CA3: variants seen among roughly 807,000 people sequenced by gnomAD.
CA3 encodes carbonic anhydrase 3.
In CA3, 30 loss-of-function variants were observed where a neutral mutation model predicts 35.7. The observed-to-expected ratio is 0.84, with a 90% CI of 0.63 to 1.14. The LOEUF is 1.14. CA3 is among the 50% of genes most tolerant of loss of function. The pLI is 0.00. For synonymous variants in CA3, 131 were observed against 130.8 expected (o/e 1.00, Z -0.01); for missense variants, 295 against 328.5 (o/e 0.90, Z 0.79).
chr8:85,445,250 T>TA (rs772238260), intron 5 of CA3, 32 bp downstream of exon 5: 2 of 1,372,024 alleles, frequency 1.5e-6, no homozygotes, highest in Non-Finnish European at 2.0e-6. Context: ...TCCTAAAACA[T>TA]AAAGCAGATT....
Position 85,439,739 on chromosome 8 carries a change from C to T in CA3, c.62C>T (p.Pro21Leu), listed in dbSNP as rs762876525. 1 of 1,613,666 alleles carries T rather than the reference C, an allele frequency of 6.2e-7. No individual in the cohort carries two copies. Among genetic ancestry groups the T allele is most frequent in the Admixed American group, 1.7e-5 (1 of 59,998 alleles). ...CCTGACCACTGGCATGAACTTTTCC[C>T]AAATGCCAAGGGGGAAAACCAGTCG... ...NGPDHWHELF[P>L]NAKGENQSPV... The change falls in exon 2 of 7, where the codon CCA becomes CTA. Residue 21 changes from proline to leucine, a missense_variant. Pro to Leu is a moderately conservative substitution (Grantham distance 98). Transcript: ENST00000285381.
At chr8:85,443,549 A>C (rs768190784) in intron 3 of CA3, among the ~76,000 whole-genome samples, 2 of 152,232 alleles carry the variant, frequency 1.3e-5, no homozygotes, top group Non-Finnish European at 2.9e-5. Flanking sequence ...AGATAAATTA[A>C]GTATTGAGAA....
intron 1 of CA3, 141 bp downstream of exon 1, chr8:85,439,084 C>A: frequency 1.2e-6 from 1 of 817,730 alleles, no homozygotes; most frequent in South Asian, 1.7e-5. Flanking sequence ...TGAGGCTTTT[C>A]AACTGCCAAA....
chr8:85,442,727 C>G (rs79628885), intron 3 of CA3, among the ~76,000 whole-genome samples: 3,952 of 152,046 alleles, frequency 0.026, 80 homozygotes, highest in South Asian at 0.078. Flanking sequence ...AAAGAAAAAC[C>G]CTAAAAGTTA....
chr8:85,445,662 A>G (rs2130508485), intron 5 of CA3, among the ~76,000 whole-genome samples: 1 of 152,248 alleles, frequency 6.6e-6, no homozygotes, highest in East Asian at 1.9e-4. Flanking sequence ...TTCACAATAG[A>G]CTCATGTAAG....
intron 4 of CA3, among the ~76,000 whole-genome samples, chr8:85,444,800 G>A (rs1047426050): frequency 6.6e-6 from 1 of 152,192 alleles, no homozygotes; most frequent in Non-Finnish European, 1.5e-5. Context: ...AGGAGGTGGA[G>A]TAGGTCTGAG....
At chr8:85,445,503 AACAC>A (rs766933947) in intron 5 of CA3, among the ~76,000 whole-genome samples, 103 of 123,298 alleles carry the variant, frequency 8.4e-4, no homozygotes, top group Non-Finnish European at 1.3e-3. Flanking sequence ...ATCCTCGCCC[AACAC>A]ACACACACAC....
chr8:85,439,377 C>T (rs1811175468), intron 1 of CA3, among the ~76,000 whole-genome samples: 2 of 152,182 alleles, frequency 1.3e-5, no homozygotes, highest in South Asian at 4.1e-4. Context: ...AAACCCACAA[C>T]ACAATGCTCA....
In CA3 at chr8:85,448,947, G is replaced by T. The variant is rs1811332039; in HGVS notation, c.*794G>T. 2 of 152,192 alleles carry T rather than the reference G, an allele frequency of 1.3e-5. No individual in the cohort carries two copies. The highest frequency in any genetic ancestry group is 2.1e-4 in the South Asian group (1 of 4,838). The allele number at this position is 152,192 out of a possible 1,614,324, so 9.4% of individuals were successfully genotyped here. A position where few individuals can be genotyped will look rare whatever the true frequency, so the allele number is the denominator to read the frequency against. On this transcript the variant is annotated 3_prime_UTR_variant, in exon 7 of 7. Coordinates refer to ENST00000285381, the MANE Select transcript of CA3 (RefSeq NM_005181.4). Reference sequence around the variant, plus strand: ...TGTGTTTCTCACTGGAGGCTGGAATGAATGATCACTAGAACACAAAAGAGT... The same window carrying T: ...TGTGTTTCTCACTGGAGGCTGGAATTAATGATCACTAGAACACAAAAGAGT...
chr8:85,445,020 G>GT, intron 4 of CA3, 136 bp from the exon 5 acceptor site: 1 of 544,408 alleles, frequency 1.8e-6, no homozygotes, highest in Non-Finnish European at 3.3e-6. Context: ...ATAAACTTAT[G>GT]TTTTTGCTTA....
chr8:85,447,895 T>C, intron 6 of CA3, 139 bp from the exon 7 acceptor site: 1 of 778,908 alleles, frequency 1.3e-6, no homozygotes, highest in South Asian at 2.2e-5. Flanking sequence ...CGAGACTCTG[T>C]CTCAAAAACA....
Position 85,444,138 on chromosome 8 carries a change from A to C in CA3, c.444+12A>C. On this transcript the variant is annotated intron_variant, in intron 4 of 6. Coordinates refer to ENST00000285381, the MANE Select transcript of CA3 (RefSeq NM_005181.4). ...GCATTTTTCTGAAGGTAAAGTAAAA[A>C]TTGACTATATATTTTCTTCCAAAAT... The C allele has an allele frequency of 6.5e-7, 1 of 1,545,528 alleles. No individual in the cohort carries two copies. The highest frequency in any genetic ancestry group is 1.1e-5 in the South Asian group (1 of 89,516).
Position 85,446,247 on chromosome 8 carries a change from T to C in CA3, c.613T>C (p.Cys205Arg). 1 of 1,614,188 alleles carries C rather than the reference T, an allele frequency of 6.2e-7. No homozygotes were observed. Residue 205 changes from cysteine to arginine, a missense_variant, in exon 6 of 7, where the codon TGC (cysteine) becomes CGC (arginine). Transcript: ENST00000285381. ...ATTCACCACGCCGCCCTGCGAGGAA[T>C]GCATTGTGTGGCTGCTGCTGAAGGA... Reference protein sequence around the residue: ...GSFTTPPCEECIVWLLLKEPM... With the variant: ...GSFTTPPCEERIVWLLLKEPM...
intron 6 of CA3, 108 bp downstream of exon 6, chr8:85,446,405 C>T: frequency 8.1e-7 from 1 of 1,233,498 alleles, no homozygotes; most frequent in Non-Finnish European, 1.1e-6. Context: ...CTGAACAGCT[C>T]TATGGCCAGT....
Position 85,448,387 on chromosome 8 carries a change from C to G in CA3, c.*234C>G. 6.4e-6 allele frequency: 2 copies of G among 312,638 alleles called. No homozygotes were observed. The highest frequency in any genetic ancestry group is 1.1e-5 in the Non-Finnish European group (2 of 174,300). 19.4% of individuals were successfully genotyped at this position (312,638 alleles called of 1,614,324 possible). A position where few individuals can be genotyped will look rare whatever the true frequency, so the allele number is the denominator to read the frequency against. On this transcript the variant is annotated 3_prime_UTR_variant, in exon 7 of 7. Coordinates refer to ENST00000285381, the MANE Select transcript of CA3 (RefSeq NM_005181.4). Reference sequence around the variant, plus strand: ...TTGATCTCTGTAATAATCATCTTTCCTATAAAAGTAGCATTTTTGGTAAAG... The same window carrying G: ...TTGATCTCTGTAATAATCATCTTTCGTATAAAAGTAGCATTTTTGGTAAAG...
chr8:85,442,738 G>A (rs1038994772), intron 3 of CA3, among the ~76,000 whole-genome samples: 13 of 152,106 alleles, frequency 8.5e-5, no homozygotes, highest in African/African-American at 2.9e-4. Context: ...CTAAAAGTTA[G>A]AAATTGGATA....
In CA3 at chr8:85,448,962, C is replaced by A. The variant is rs1299604859; in HGVS notation, c.*809C>A. 2 of 152,108 alleles carry A rather than the reference C, an allele frequency of 1.3e-5. No individual in the cohort carries two copies. Among genetic ancestry groups the A allele is most frequent in the Admixed American group, 1.3e-4 (2 of 15,272 alleles). The allele number at this position is 152,108 out of a possible 1,614,324, so 9.4% of individuals were successfully genotyped here. A position where few individuals can be genotyped will look rare whatever the true frequency, so the allele number is the denominator to read the frequency against. On this transcript the variant is annotated 3_prime_UTR_variant, in exon 7 of 7. Coordinates refer to ENST00000285381, the MANE Select transcript of CA3 (RefSeq NM_005181.4). ...AGGCTGGAATGAATGATCACTAGAA[C>A]ACAAAAGAGTGAATGATGACACTTG...
rs1811166751 is a variant in CA3 at position 85,438,892 on chromosome 8, G to C, written c.-18G>C. ...GGGAAGAGAAAGCAGGAGCCGTCCAGCACGGAGGAAGGCGACCATGGCCAA... is the reference window on the plus strand; with the variant it reads ...GGGAAGAGAAAGCAGGAGCCGTCCACCACGGAGGAAGGCGACCATGGCCAA... On this transcript the variant is annotated 5_prime_UTR_variant, in exon 1 of 7. Transcript: ENST00000285381. 1 of 1,550,862 alleles carries C rather than the reference G, an allele frequency of 6.4e-7. No individual in the cohort carries two copies. Among genetic ancestry groups the C allele is most frequent in the African/African-American group, 1.4e-5 (1 of 73,054 alleles).
chr8:85,447,579 G>A (rs1028052123), intron 6 of CA3, among the ~76,000 whole-genome samples: 4 of 152,186 alleles, frequency 2.6e-5, no homozygotes, highest in African/African-American at 9.6e-5. Flanking sequence ...GGGACAGGTT[G>A]TGTGGTTTGC....
Sources: allele counts gnomAD v4.1 joint callset (sites outside exome capture counted in the v4.1 genomes callset), GRCh38; gene constraint gnomAD v4.1.1; transcripts MANE v1.5; gene names NCBI Gene and HGNC (gene_info 2026-07-23, HGNC 2026-07-21).